MAOA: variants seen among roughly 807,000 people sequenced by gnomAD.
MAOA encodes the protein amine oxidase [flavin-containing] A.
In MAOA, 6 loss-of-function variants were observed where a neutral mutation model predicts 42.0. The observed-to-expected ratio is 0.14, with a 90% confidence interval of 0.08 to 0.28. The LOEUF is 0.28. Ranked by LOEUF, MAOA falls within the 10% of genes least tolerant of loss-of-function variation. The probability of loss-of-function intolerance (pLI) is 1.00; values close to 1 mark genes in which losing one functional copy is unlikely to be tolerated. For missense variants in MAOA, 262 were observed against 422.3 expected (o/e 0.62, Z 3.33); for synonymous variants, 140 against 154.0 (o/e 0.91, Z 0.67).
At chrX:43,699,260 C>T (rs1031613601) in intron 3 of MAOA, among the ~76,000 whole-genome samples, 3 of 111,670 alleles carry the variant, frequency 2.7e-5, no homozygotes, top group African/African-American at 9.8e-5. Context: ...ATAAGATGCT[C>T]CATCATTATG....
At chrX:43,699,002 C>T (rs1034969759) in intron 3 of MAOA, among the ~76,000 whole-genome samples, 8 of 111,559 alleles carry the variant, frequency 7.2e-5, no homozygotes, top group African/African-American at 2.6e-4. Flanking sequence ...ATCGGTTGCA[C>T]ATGGTGGCTC....
chrX:43,676,375 C>A (rs2033396625), intron 1 of MAOA, among the ~76,000 whole-genome samples: 1 of 111,960 alleles, frequency 8.9e-6, no homozygotes, highest in Non-Finnish European at 1.9e-5. Context: ...GGAAAGGGAA[C>A]TCCCTGACCC....
intron 1 of MAOA, among the ~76,000 whole-genome samples, chrX:43,680,298 G>A (rs1162918404): frequency 9.0e-6 from 1 of 111,455 alleles, no homozygotes; most frequent in Non-Finnish European, 1.9e-5. Context: ...CAGGCATCAA[G>A]ATAGAACTAG....
chrX:43,682,899 A>C (rs997713032), intron 1 of MAOA, among the ~76,000 whole-genome samples: 1 of 111,885 alleles, frequency 8.9e-6, no homozygotes, highest in Admixed American at 9.5e-5. Flanking sequence ...TATTTTATCT[A>C]TCCTGAAGGC....
At chrX:43,681,950 C>T (rs369223701) in intron 1 of MAOA, among the ~76,000 whole-genome samples, 23 of 105,088 alleles carry the variant, frequency 2.2e-4, no homozygotes, top group African/African-American at 8.0e-4. Flanking sequence ...GGCACGATCT[C>T]GGCTCACTGC....
At chrX:43,716,448 G>T (rs1232898707) in intron 5 of MAOA, among the ~76,000 whole-genome samples, 2 of 112,034 alleles carry the variant, frequency 1.8e-5, no homozygotes, top group African/African-American at 6.5e-5. Context: ...AGGCAGAGTG[G>T]ATAATGTAGG....
At chrX:43,722,861 G>A (rs189438842) in intron 5 of MAOA, among the ~76,000 whole-genome samples, 11 of 111,555 alleles carry the variant, frequency 9.9e-5, no homozygotes, top group East Asian at 5.6e-4. Flanking sequence ...GTTAATTTTC[G>A]TATAAAGTGT....
chrX:43,699,231 T>A (rs149430782), intron 3 of MAOA, among the ~76,000 whole-genome samples: 415 of 112,332 alleles, frequency 3.7e-3, no homozygotes, highest in Non-Finnish European at 6.9e-3. Flanking sequence ...GTGGATTGAT[T>A]CATTACTTGC....
In MAOA at chrX:43,678,408, A is replaced by G. The variant is rs193245741; in HGVS notation, c.74-5105A>G. Among the ~76,000 whole-genome samples the G allele has an allele frequency of 2.3e-4, 26 of 112,700 alleles. No individual in the cohort carries two copies. The East Asian group carries it at 4.7e-3, about 20-fold the overall frequency. On this transcript the variant is annotated intron_variant, in intron 1 of 14. Coordinates refer to ENST00000338702, the MANE Select transcript of MAOA (RefSeq NM_000240.4). ...TTTAAGATGAGATTTTTCTCTTTGCATAATAAAATGTGAAAAAATATTTGA... is the reference window on the plus strand; with the variant it reads ...TTTAAGATGAGATTTTTCTCTTTGCGTAATAAAATGTGAAAAAATATTTGA...
intron 9 of MAOA, among the ~76,000 whole-genome samples, chrX:43,733,404 G>C (rs1428692186): frequency 9.0e-6 from 1 of 111,231 alleles, no homozygotes; most frequent in African/African-American, 3.3e-5. Flanking sequence ...CCCAGGGCCT[G>C]GTTCTGTGTA....
intron 9 of MAOA, among the ~76,000 whole-genome samples, chrX:43,735,193 G>A (rs749781315): frequency 1.8e-5 from 2 of 112,063 alleles, no homozygotes; most frequent in South Asian, 3.7e-4. Context: ...TAATTTGTGG[G>A]TAGGGAGAGG....
chrX:43,743,533 C>T (rs1297644840), intron 12 of MAOA, among the ~76,000 whole-genome samples: 3 of 111,803 alleles, frequency 2.7e-5, no homozygotes, highest in Non-Finnish European at 3.8e-5. Context: ...TATTCCAGCT[C>T]TGGCTGGCTT....
intron 1 of MAOA, among the ~76,000 whole-genome samples, chrX:43,670,116 A>G (rs2033317106): frequency 8.9e-6 from 1 of 112,029 alleles, no homozygotes; most frequent in Non-Finnish European, 1.9e-5. Context: ...ACCTTGTTTA[A>G]TCTTCACATT....
At chrX:43,691,595 A>T (rs1006665015) in intron 2 of MAOA, among the ~76,000 whole-genome samples, 1 of 111,462 alleles carries the variant, frequency 9.0e-6, no homozygotes, top group South Asian at 3.7e-4. Flanking sequence ...AAATAAATTA[A>T]ATGTCTAGTT....
At chrX:43,729,576 G>A (rs1334755841) in intron 6 of MAOA, among the ~76,000 whole-genome samples, 1 of 111,798 alleles carries the variant, frequency 8.9e-6, no homozygotes, top group Non-Finnish European at 1.9e-5. Context: ...AAGTTAAATG[G>A]TCTGGGTTTC....
chrX:43,660,031 T>G (rs2033219764), intron 1 of MAOA, among the ~76,000 whole-genome samples: 1 of 111,691 alleles, frequency 9.0e-6, no homozygotes, highest in African/African-American at 3.3e-5. Context: ...GTGAATAATG[T>G]ACGTTGTACC....
rs183843487 is a variant in MAOA at position 43,735,113 on chromosome X, A to G, written c.1053-1114A>G. Among the ~76,000 whole-genome samples the G allele has an allele frequency of 1.6e-3, 175 of 112,079 alleles. 1 individual carries two copies. Among genetic ancestry groups the G allele is most frequent in the African/African-American group, 5.6e-3 (173 of 30,946 alleles). ...AATACTATTCTCTACATTAACATAC[A>G]TCTTTGCTTCTCAAAGTGATCTCAA... On this transcript the variant is annotated intron_variant, in intron 9 of 14. Transcript: ENST00000338702.
rs761852054 is a variant in MAOA, at chrX:43,656,428, G to C, written c.73+14G>C. 8.3e-7 allele frequency: 1 copy of C among 1,202,994 alleles called. No individual in the cohort carries two copies. Among genetic ancestry groups the C allele is most frequent in the Non-Finnish European group, 1.1e-6 (1 of 889,018 alleles). On this transcript the variant is annotated intron_variant, in intron 1 of 14. Transcript: ENST00000338702. ...GTGGCATTTCAGGTCAGTGTGGACCGTAGCGGTGGCCTGGGGGACCCTGGC... is the reference window on the plus strand; with the variant it reads ...GTGGCATTTCAGGTCAGTGTGGACCCTAGCGGTGGCCTGGGGGACCCTGGC...
chrX:43,687,483 G>A (rs1195902688), intron 2 of MAOA, among the ~76,000 whole-genome samples: 1 of 111,880 alleles, frequency 8.9e-6, no homozygotes, highest in African/African-American at 3.3e-5. Flanking sequence ...ATTAGAAAAG[G>A]TTTGAAGGAC....
Sources: gnomAD v4.1 joint callset for allele counts (sites outside exome capture counted in the v4.1 genomes callset) on GRCh38, gnomAD v4.1.1 for gene constraint, MANE v1.5 for transcripts, NCBI Gene and HGNC (gene_info 2026-07-23, HGNC 2026-07-21) for gene names.